Variants in SLC8A1 observed in about 807,000 individuals in gnomAD.
SLC8A1 encodes sodium/calcium exchanger 1.
A neutral mutation model predicts 68.3 loss-of-function variants in SLC8A1; 18 were observed. The ratio of observed to expected loss-of-function variants is 0.26; its 90% confidence interval spans 0.18 to 0.39. SLC8A1 has a LOEUF of 0.39. Ranked by LOEUF, SLC8A1 falls within the 10% of genes least tolerant of loss-of-function variation. SLC8A1 has a pLI of 1.00. For missense variants in SLC8A1, 985 were observed against 1,156.7 expected (o/e 0.85, Z 2.15); for synonymous variants, 475 against 415.5 (o/e 1.14, Z -1.74).
At chr2:40,287,582 ATGTGTG>A (rs10522914) in intron 2 of SLC8A1, among the ~76,000 whole-genome samples, 7,603 of 127,522 alleles carry the variant, frequency 0.06, 278 homozygotes, top group East Asian at 0.2. Context: ...CAGAGGAATG[ATGTGTG>A]TGTGTGTGTG....
At chr2:40,384,905 T>C (rs1683071348) in intron 2 of SLC8A1, among the ~76,000 whole-genome samples, 1 of 152,082 alleles carries the variant, frequency 6.6e-6, no homozygotes, top group South Asian at 2.1e-4. Flanking sequence ...TTACTTATAA[T>C]AGCACTTGTA....
At chr2:40,390,143 T>C (rs964540168) in intron 2 of SLC8A1, among the ~76,000 whole-genome samples, 1 of 152,092 alleles carries the variant, frequency 6.6e-6, no homozygotes, top group African/African-American at 2.4e-5. Context: ...ACCTAGTCAC[T>C]GTAGTAAAGT....
intron 2 of SLC8A1, among the ~76,000 whole-genome samples, chr2:40,368,423 G>C (rs1676940243): frequency 6.6e-6 from 1 of 151,790 alleles, no homozygotes; most frequent in South Asian, 2.1e-4. Context: ...AGTTTCTTCT[G>C]AACCCCTAAG....
intron 2 of SLC8A1, among the ~76,000 whole-genome samples, chr2:40,307,544 G>T (rs1026821595): frequency 5.3e-5 from 8 of 152,100 alleles, no homozygotes; most frequent in African/African-American, 1.9e-4. Context: ...TTACTACAAT[G>T]AAGTTTTTAA....
intron 2 of SLC8A1, among the ~76,000 whole-genome samples, chr2:40,378,686 T>A (rs889538297): frequency 6.6e-6 from 1 of 152,074 alleles, no homozygotes; most frequent in Non-Finnish European, 1.5e-5. Context: ...GAAAGAGGAA[T>A]GAGTCAGACA....
At chr2:40,408,648 A>G (rs559389191) in intron 2 of SLC8A1, among the ~76,000 whole-genome samples, 8 of 152,336 alleles carry the variant, frequency 5.3e-5, no homozygotes, top group African/African-American at 1.9e-4. Flanking sequence ...AACAGCTTCT[A>G]ATGAACAAGT....
intron 1 of SLC8A1, among the ~76,000 whole-genome samples, chr2:40,497,299 A>G (rs1176257267): frequency 1.3e-5 from 2 of 152,060 alleles, no homozygotes; most frequent in Non-Finnish European, 2.9e-5. Context: ...TTGGTATTCA[A>G]TAAAGATTTA....
intron 2 of SLC8A1, among the ~76,000 whole-genome samples, chr2:40,351,272 C>T (rs1670996264): frequency 6.6e-6 from 1 of 152,114 alleles, no homozygotes; most frequent in African/African-American, 2.4e-5. Context: ...ACAAATACTA[C>T]AGATTTGAAA....
intron 2 of SLC8A1, among the ~76,000 whole-genome samples, chr2:40,233,155 A>G (rs1267266593): frequency 2.6e-5 from 4 of 152,096 alleles, no homozygotes; most frequent in African/African-American, 9.7e-5. Flanking sequence ...CCAGTTCTAG[A>G]TCCCTGAGGA....
At chr2:40,414,989 A>G in intron 2 of SLC8A1, among the ~76,000 whole-genome samples, 1 of 152,222 alleles carries the variant, frequency 6.6e-6, no homozygotes, top group East Asian at 1.9e-4. Flanking sequence ...TATCAAAGAG[A>G]ATGAAATACA....
chr2:40,379,671 G>A (rs1455156153), intron 2 of SLC8A1, among the ~76,000 whole-genome samples: 1 of 150,874 alleles, frequency 6.6e-6, no homozygotes. Context: ...CAGAGAATGT[G>A]TCTGTTTACC....
intron 2 of SLC8A1, among the ~76,000 whole-genome samples, chr2:40,279,057 T>A (rs938187037): frequency 2.0e-4 from 30 of 152,310 alleles, no homozygotes; most frequent in African/African-American, 7.0e-4. Context: ...GATTCAAGCC[T>A]GCAATTTTAA....
intron 2 of SLC8A1, among the ~76,000 whole-genome samples, chr2:40,309,067 GA>G (rs913076601): frequency 9.2e-4 from 138 of 150,214 alleles, no homozygotes; most frequent in African/African-American, 3.2e-3. Flanking sequence ...ATTTTGCAGT[GA>G]AAAAAAAAGC....
intron 2 of SLC8A1, among the ~76,000 whole-genome samples, chr2:40,288,654 C>T (rs1284512232): frequency 2.6e-5 from 4 of 151,972 alleles, no homozygotes; most frequent in Admixed American, 1.3e-4. Context: ...GGCTAGAAAT[C>T]ATCCGCATAG....
intron 4 of SLC8A1, among the ~76,000 whole-genome samples, chr2:40,170,826 C>T (rs754583398): frequency 2.0e-5 from 3 of 152,164 alleles, no homozygotes; most frequent in Non-Finnish European, 4.4e-5. Context: ...CCTATTAGTG[C>T]CAACAATATA....
upstream of SLC8A1, among the ~76,000 whole-genome samples, chr2:40,455,468 T>A (rs1702943351): frequency 1.3e-5 from 2 of 152,214 alleles, no homozygotes; most frequent in Admixed American, 6.5e-5. Flanking sequence ...CTCACCTCAT[T>A]TCTTACTCTG....
At chr2:40,509,831 G>A (rs114275530) in intron 1 of SLC8A1, among the ~76,000 whole-genome samples, 1,854 of 146,104 alleles carry the variant, frequency 0.013, 26 homozygotes, top group African/African-American at 0.045. Flanking sequence ...TTTTTTTTCC[G>A]GTGCAGTCTC....
At chr2:40,269,376 C>A (rs2065745613) in intron 2 of SLC8A1, among the ~76,000 whole-genome samples, 1 of 152,114 alleles carries the variant, frequency 6.6e-6, no homozygotes, top group African/African-American at 2.4e-5. Context: ...GTGAATGTAC[C>A]TTCCACTTCG....
intron 2 of SLC8A1, among the ~76,000 whole-genome samples, chr2:40,376,653 A>C (rs898619220): frequency 3.3e-5 from 5 of 152,088 alleles, no homozygotes; most frequent in African/African-American, 1.2e-4. Context: ...AAACAACAGG[A>C]CCAGGCAACC....
Sources: gnomAD v4.1 joint callset for allele counts (sites outside exome capture counted in the v4.1 genomes callset) on GRCh38, gnomAD v4.1.1 for gene constraint, MANE v1.5 for transcripts, NCBI Gene and HGNC (gene_info 2026-07-23, HGNC 2026-07-21) for gene names.